CORIN: variants seen among roughly 807,000 people sequenced by gnomAD.
CORIN encodes the protein corin, serine peptidase.
Under a neutral mutation model 125.3 loss-of-function variants are expected in CORIN, and 117 were observed. The observed-to-expected ratio is 0.93, with a 90% CI of 0.80 to 1.09. The LOEUF is 1.09. Ranked by LOEUF, CORIN falls within the 50% of genes least tolerant of loss-of-function variation. The probability of loss-of-function intolerance (pLI) is 0.00; values close to 1 mark genes in which losing one functional copy is unlikely to be tolerated. For synonymous variants in CORIN, 450 were observed against 466.4 expected (o/e 0.96, Z 0.45); for missense variants, 1,253 against 1,306.7 (o/e 0.96, Z 0.63).
Position 47,786,888 on chromosome 4 carries a change from A to C in CORIN, c.246T>G (p.Ser82Arg), listed in dbSNP as rs778208448. The C allele has an allele frequency of 6.2e-7, 1 of 1,613,694 alleles. No homozygotes were observed. Among genetic ancestry groups the C allele is most frequent in the Non-Finnish European group, 8.5e-7 (1 of 1,179,634 alleles). ...TTTCACCATCAGTGACCAAAGGTTC[A>C]CTCCCATTTGATTTAAAATAGACCT... is the stretch of plus-strand genomic sequence containing the variant. ...LQKVYFKSNG[S>R]EPLVTDGEIQ... The change falls in exon 3 of 22, where the codon AGT becomes AGG. Residue 82 changes from serine (S) to arginine (R), a missense_variant. Coordinates refer to ENST00000273857, the MANE Select transcript of CORIN (RefSeq NM_006587.4).
At chr4:47,765,238 G>A (rs1356976725) in intron 3 of CORIN, among the ~76,000 whole-genome samples, 2 of 151,792 alleles carry the variant, frequency 1.3e-5, no homozygotes. Flanking sequence ...GTGAACCCGG[G>A]AGGCGGAGCT....
intron 10 of CORIN, among the ~76,000 whole-genome samples, chr4:47,667,365 G>A (rs1464034536): frequency 6.6e-6 from 1 of 152,200 alleles, no homozygotes; most frequent in African/African-American, 2.4e-5. Context: ...GAATACAGCA[G>A]AGAGGCTCCC....
chr4:47,686,362 C>T (rs1289801506), intron 6 of CORIN, among the ~76,000 whole-genome samples: 2 of 151,948 alleles, frequency 1.3e-5, no homozygotes, highest in Admixed American at 6.6e-5. Flanking sequence ...TTTTTCACTT[C>T]CCCCAGCCTG....
At chr4:47,767,788 T>C (rs971088119) in intron 3 of CORIN, among the ~76,000 whole-genome samples, 8 of 152,204 alleles carry the variant, frequency 5.3e-5, no homozygotes, top group Admixed American at 5.2e-4. Flanking sequence ...AAGAGATTAC[T>C]ATAAATAATT....
chr4:47,702,668 C>T (rs916949335), intron 5 of CORIN, among the ~76,000 whole-genome samples: 3 of 151,990 alleles, frequency 2.0e-5, no homozygotes, highest in African/African-American at 4.8e-5. Context: ...TATTTAAAAG[C>T]TAAAATAAAT....
intron 19 of CORIN, among the ~76,000 whole-genome samples, chr4:47,606,253 C>CA (rs1721640514): frequency 6.6e-6 from 1 of 151,380 alleles, no homozygotes. Flanking sequence ...AGAATAATTT[C>CA]TTTTTTTTTC....
rs1429715956 is a variant in CORIN at position 47,594,273 on chromosome 4, A to G, written c.*1448T>C. ...AACTTTTTGAATTTCAACTATGTTTACACACAGAAAAGATACAAAAATACA... is the reference window on the plus strand; with the variant it reads ...AACTTTTTGAATTTCAACTATGTTTGCACACAGAAAAGATACAAAAATACA... On this transcript the variant is annotated 3_prime_UTR_variant, in exon 22 of 22. Transcript: ENST00000273857. 1 of 152,564 alleles carries G rather than the reference A, an allele frequency of 6.6e-6. No homozygotes were observed. The highest frequency in any genetic ancestry group is 1.5e-5 in the Non-Finnish European group (1 of 68,002). The allele number at this position is 152,564 out of a possible 1,614,324, so 9.5% of individuals were successfully genotyped here.
intron 2 of CORIN, among the ~76,000 whole-genome samples, chr4:47,805,160 T>A (rs1390820441): frequency 6.8e-6 from 1 of 147,564 alleles, no homozygotes; most frequent in Non-Finnish European, 1.5e-5. Context: ...ATAATAATAA[T>A]AATAATAATA....
intron 21 of CORIN, among the ~76,000 whole-genome samples, chr4:47,596,927 A>C (rs1721275598): frequency 1.3e-5 from 2 of 152,228 alleles, no homozygotes; most frequent in South Asian, 4.1e-4. Flanking sequence ...ATGAAACAGA[A>C]GCACAGGTTA....
chr4:47,668,856 G>C (rs1264213899), intron 10 of CORIN, among the ~76,000 whole-genome samples: 1 of 152,124 alleles, frequency 6.6e-6, no homozygotes, highest in Non-Finnish European at 1.5e-5. Flanking sequence ...AATTCGGTAA[G>C]GTTTATTGGA....
At chr4:47,781,330 G>A (rs928249168) in intron 3 of CORIN, among the ~76,000 whole-genome samples, 7 of 152,120 alleles carry the variant, frequency 4.6e-5, no homozygotes, top group African/African-American at 1.7e-4. Flanking sequence ...TTACAATTGT[G>A]CAAAAGTGAC....
At chr4:47,759,342 C>G (rs2109863738) in intron 4 of CORIN, among the ~76,000 whole-genome samples, 2 of 152,206 alleles carry the variant, frequency 1.3e-5, no homozygotes, top group South Asian at 4.1e-4. Flanking sequence ...AAAGCTCAAA[C>G]ATCAAAAGCA....
chr4:47,828,836 G>A (rs1732846073), intron 1 of CORIN, among the ~76,000 whole-genome samples: 2 of 151,942 alleles, frequency 1.3e-5, no homozygotes, highest in African/African-American at 4.8e-5. Context: ...AATGCTGTAA[G>A]GGTAGTGAAA....
intron 1 of CORIN, among the ~76,000 whole-genome samples, chr4:47,818,955 T>C (rs150071592): frequency 6.6e-6 from 1 of 151,560 alleles, no homozygotes; most frequent in Non-Finnish European, 1.5e-5. Context: ...CAGGGTAAGA[T>C]CTGGAAAATC....
chr4:47,776,601 A>G (rs946040650), intron 3 of CORIN, among the ~76,000 whole-genome samples: 2 of 152,244 alleles, frequency 1.3e-5, no homozygotes, highest in African/African-American at 2.4e-5. Flanking sequence ...GCATATCTAT[A>G]AACACATAGC....
At chr4:47,696,591 A>G (rs1396059880) in intron 5 of CORIN, among the ~76,000 whole-genome samples, 1 of 152,206 alleles carries the variant, frequency 6.6e-6, no homozygotes, top group African/African-American at 2.4e-5. Context: ...AATTAATACT[A>G]CTGCAAAAAT....
At position 47,706,487 on chromosome 4, in the gene CORIN, C is replaced by T. The variant is rs878990284; in HGVS notation, c.800-13404G>A. ...CGCCAGCTCTCTGCTCTTCACAGGG[C>T]TCCCCGCCCCACCCGGCCTGATAAA... is the stretch of plus-strand genomic sequence containing the variant. On this transcript the variant is annotated intron_variant, in intron 5 of 21. Coordinates refer to ENST00000273857, the MANE Select transcript of CORIN (RefSeq NM_006587.4). 1.2e-5 allele frequency: 20 copies of T among 1,611,520 alleles called. 1 individual carries two copies. In the South Asian group the frequency reaches 2.2e-4, roughly 18 times the overall value.
intron 5 of CORIN, among the ~76,000 whole-genome samples, chr4:47,727,254 C>T (rs550989586): frequency 9.2e-5 from 14 of 152,182 alleles, no homozygotes; most frequent in African/African-American, 2.2e-4. Flanking sequence ...AAAACTCTTT[C>T]TATGCCCATG....
chr4:47,615,727 C>A (rs941768359), intron 19 of CORIN, among the ~76,000 whole-genome samples: 3 of 152,158 alleles, frequency 2.0e-5, no homozygotes, highest in African/African-American at 4.8e-5. Flanking sequence ...AAGGAAGAAA[C>A]CCTGCCAGTA....
Sources: allele counts gnomAD v4.1 joint callset (sites outside exome capture counted in the v4.1 genomes callset), GRCh38; gene constraint gnomAD v4.1.1; transcripts MANE v1.5; gene names NCBI Gene and HGNC (gene_info 2026-07-23, HGNC 2026-07-21).